The following NOSTRIN variants were observed in gnomAD, a reference collection of about 807,000 sequenced individuals.
The protein encoded by NOSTRIN is BM247 homolog.
Under a neutral mutation model 59.0 loss-of-function variants are expected in NOSTRIN, and 63 were observed. That is an observed-to-expected ratio of 1.07 (90% CI 0.87 to 1.32). The LOEUF (loss-of-function observed/expected upper bound fraction) is 1.32. Ranked by LOEUF, NOSTRIN falls within the 40% of genes most tolerant of loss-of-function variation. The probability of loss-of-function intolerance (pLI) is 0.00; values close to 1 mark genes in which losing one functional copy is unlikely to be tolerated. For synonymous variants in NOSTRIN, 200 were observed against 165.4 expected (o/e 1.21, Z -1.61); for missense variants, 512 against 473.1 (o/e 1.08, Z -0.76).
intron 8 of NOSTRIN, among the ~76,000 whole-genome samples, chr2:168,848,600 T>C (rs1275379331): frequency 1.3e-5 from 2 of 152,210 alleles, no homozygotes; most frequent in African/African-American, 4.8e-5. Context: ...TGGAATATTA[T>C]TCAGCCAAAA....
At chr2:168,862,797 C>T (rs1235369091) in intron 15 of NOSTRIN, among the ~76,000 whole-genome samples, 5 of 152,092 alleles carry the variant, frequency 3.3e-5, no homozygotes, top group South Asian at 2.1e-4. Flanking sequence ...TGAATGTTAG[C>T]GCTAATGCAG....
At chr2:168,856,003 C>G (rs1689080019) in intron 11 of NOSTRIN, 3 of 396,092 alleles carry the variant, frequency 7.6e-6, no homozygotes, top group South Asian at 5.5e-5. Flanking sequence ...CACGATAACT[C>G]ATTGCAATGG....
At chr2:168,842,570 T>C (rs188567112) in intron 7 of NOSTRIN, among the ~76,000 whole-genome samples, 2 of 152,276 alleles carry the variant, frequency 1.3e-5, no homozygotes, top group East Asian at 3.9e-4. Flanking sequence ...ATTGTATGAT[T>C]CCACAAGTCT....
At chr2:168,792,581 C>T (rs2105499277) in intron 2 of NOSTRIN, among the ~76,000 whole-genome samples, 1 of 152,186 alleles carries the variant, frequency 6.6e-6, no homozygotes, top group African/African-American at 2.4e-5. Context: ...TCCTGAGTAG[C>T]TGGGACTACA....
At chr2:168,792,962 A>AT (rs1685393836) in intron 2 of NOSTRIN, among the ~76,000 whole-genome samples, 1 of 152,202 alleles carries the variant, frequency 6.6e-6, no homozygotes, top group African/African-American at 2.4e-5. Context: ...TAGCATACTA[A>AT]TTTGTAGTGT....
intron 13 of NOSTRIN, among the ~76,000 whole-genome samples, chr2:168,860,016 G>A (rs1224753629): frequency 2.0e-5 from 3 of 152,002 alleles, no homozygotes; most frequent in Non-Finnish European, 4.4e-5. Context: ...GTTTAAGATG[G>A]TGCCTAATGC....
chr2:168,794,519 T>A (rs1166325688), upstream of NOSTRIN, among the ~76,000 whole-genome samples: 1 of 150,858 alleles, frequency 6.6e-6, no homozygotes, highest in African/African-American at 2.4e-5. Flanking sequence ...GCCTGGCTAA[T>A]TTTTTGTGTT....
chr2:168,838,993 C>T (rs1687902802), intron 7 of NOSTRIN, among the ~76,000 whole-genome samples: 1 of 151,928 alleles, frequency 6.6e-6, no homozygotes, highest in Admixed American at 6.6e-5. Context: ...CCATGTTGGC[C>T]AGGCTGTTCT....
chr2:168,864,353 C>T (rs1372814316), intron 15 of NOSTRIN, among the ~76,000 whole-genome samples: 1 of 151,142 alleles, frequency 6.6e-6, no homozygotes, highest in Non-Finnish European at 1.5e-5. Flanking sequence ...GTGGCATGAT[C>T]TCAGCTCACT....
intron 3 of NOSTRIN, among the ~76,000 whole-genome samples, chr2:168,825,795 T>C (rs992909788): frequency 6.6e-6 from 1 of 152,174 alleles, no homozygotes; most frequent in Non-Finnish European, 1.5e-5. Context: ...AGGTCTCTTT[T>C]GATGATGAAA....
At chr2:168,825,306 C>T (rs1051841488) in intron 3 of NOSTRIN, among the ~76,000 whole-genome samples, 1 of 152,232 alleles carries the variant, frequency 6.6e-6, no homozygotes. Flanking sequence ...TCACCCAGAT[C>T]ATGAGTTGCA....
upstream of NOSTRIN, chr2:168,801,178 C>A (rs781200486): frequency 2.6e-5 from 4 of 151,916 alleles, no homozygotes; most frequent in Non-Finnish European, 4.4e-5. Flanking sequence ...GTGGAAAAGA[C>A]CCCTCCTCTC....
At chr2:168,837,356 C>G (rs934177891) in intron 7 of NOSTRIN, among the ~76,000 whole-genome samples, 99 of 118,042 alleles carry the variant, frequency 8.4e-4, no homozygotes, top group Middle Eastern at 7.4e-3. Flanking sequence ...GTCGCCCAGG[C>G]TGGAGTGCAG....
At chr2:168,799,655 A>T (rs150187568), upstream of NOSTRIN, among the ~76,000 whole-genome samples, 21 of 152,236 alleles carry the variant, frequency 1.4e-4, no homozygotes, top group African/African-American at 5.1e-4. Flanking sequence ...AACAGCCCTT[A>T]TCCGTCTAGA....
intron 12 of NOSTRIN, 123 bp from the exon 13 acceptor site, chr2:168,859,389 T>G: frequency 7.1e-7 from 1 of 1,404,502 alleles, no homozygotes; most frequent in East Asian, 2.4e-5. Flanking sequence ...TCTGTGAATA[T>G]CTGTATGAGT....
intron 2 of NOSTRIN, among the ~76,000 whole-genome samples, chr2:168,790,097 T>A (rs551136244): frequency 6.6e-5 from 10 of 152,340 alleles, no homozygotes; most frequent in African/African-American, 2.4e-4. Flanking sequence ...TTTAAGTGCT[T>A]TCTCCAAAGA....
intron 5 of NOSTRIN, among the ~76,000 whole-genome samples, chr2:168,831,247 A>C (rs564927332): frequency 2.2e-4 from 33 of 152,296 alleles, no homozygotes; most frequent in African/African-American, 5.8e-4. Context: ...AGATGGCAGA[A>C]GGGGCTAGGC....
intron 2 of NOSTRIN, chr2:168,818,376 C>G: frequency 5.3e-6 from 1 of 187,446 alleles, no homozygotes. Flanking sequence ...AGGCTGGTCT[C>G]AAACTCTTGG....
At chr2:168,818,078 C>T (rs1032279753) in intron 2 of NOSTRIN, 10 of 161,300 alleles carry the variant, frequency 6.2e-5, no homozygotes, top group Non-Finnish European at 1.1e-4. Flanking sequence ...TATTAAAATT[C>T]CTTCTTAATT....
Sources: gnomAD v4.1 joint callset for allele counts (sites outside exome capture counted in the v4.1 genomes callset) on GRCh38, gnomAD v4.1.1 for gene constraint, MANE v1.5 for transcripts, NCBI Gene and HGNC (gene_info 2026-07-23, HGNC 2026-07-21) for gene names.